TRPM3: variants seen among roughly 807,000 people sequenced by gnomAD.
The protein encoded by TRPM3 is long transient receptor potential channel 3.
Under a neutral mutation model 181.2 loss-of-function variants are expected in TRPM3, and 77 were observed. The observed-to-expected ratio is 0.42, with a 90% CI of 0.35 to 0.51. The LOEUF (loss-of-function observed/expected upper bound fraction) is 0.51, where lower values mean the gene tolerates loss of function less well. TRPM3 is among the 20% of genes least tolerant of loss of function. The pLI is 0.01. For synonymous variants in TRPM3, 745 were observed against 796.4 expected (o/e 0.94, Z 1.09); for missense variants, 1,759 against 2,196.7 (o/e 0.80, Z 3.98).
chr9:70,625,165 G>A lies in TRPM3; in HGVS notation c.1809+26C>T. On this transcript the variant is annotated intron_variant, in intron 14 of 25. Coordinates refer to ENST00000677713, the MANE Select transcript of TRPM3 (RefSeq NM_001366145.2). The surrounding 1 kb of genome is among the most constrained non-coding windows in gnomAD (Gnocchi z 4.8). Reference sequence around the variant, plus strand: ...CATACACCCTAGTCCTCCCAGGAAGGGCCCCGAATTTGCAGCCAGCCTCAC... The same window carrying A: ...CATACACCCTAGTCCTCCCAGGAAGAGCCCCGAATTTGCAGCCAGCCTCAC... 1.2e-6 allele frequency: 2 copies of A among 1,613,336 alleles called. No individual in the cohort carries two copies. Among genetic ancestry groups the A allele is most frequent in the Non-Finnish European group, 1.7e-6 (2 of 1,179,612 alleles).
intron 1 of TRPM3, among the ~76,000 whole-genome samples, chr9:71,262,987 T>C (rs2083166222): frequency 6.6e-6 from 1 of 152,344 alleles, no homozygotes; most frequent in South Asian, 2.1e-4. Context: ...AATTTCTTGA[T>C]GGTAATAACT....
At chr9:71,154,050 C>T (rs1004701754) in intron 1 of TRPM3, among the ~76,000 whole-genome samples, 2 of 151,976 alleles carry the variant, frequency 1.3e-5, no homozygotes, top group Non-Finnish European at 2.9e-5. Context: ...TAGCCCAAAC[C>T]TTAAATAAAC....
At chr9:70,899,428 T>C (rs1373952506) in intron 1 of TRPM3, among the ~76,000 whole-genome samples, 1 of 152,166 alleles carries the variant, frequency 6.6e-6, no homozygotes. Flanking sequence ...CTCTTTTCCT[T>C]ACTCATCTCT....
intron 6 of TRPM3, among the ~76,000 whole-genome samples, chr9:70,799,174 G>T (rs1328739862): frequency 6.6e-6 from 1 of 152,178 alleles, no homozygotes; most frequent in East Asian, 1.9e-4. Flanking sequence ...GAAATGAACA[G>T]GAACTATATG....
At chr9:71,061,078 G>A (rs1435566922) in intron 1 of TRPM3, among the ~76,000 whole-genome samples, 4 of 152,034 alleles carry the variant, frequency 2.6e-5, no homozygotes, top group Admixed American at 6.6e-5. Context: ...CAGGGTGAGA[G>A]CTGAAGAATG....
chr9:70,602,609 CTTG>C (rs893338723), intron 20 of TRPM3, among the ~76,000 whole-genome samples: 1 of 152,200 alleles, frequency 6.6e-6, no homozygotes, highest in Non-Finnish European at 1.5e-5. Context: ...GAAATAGGAG[CTTG>C]TGGTGAACAT....
chr9:70,768,830 A>T (rs1406521044), intron 7 of TRPM3, among the ~76,000 whole-genome samples: 1 of 152,142 alleles, frequency 6.6e-6, no homozygotes, highest in Admixed American at 6.5e-5. Context: ...GAGACAGGTT[A>T]TTTGATCTCT....
At chr9:70,660,815 C>T (rs1423933757) in intron 9 of TRPM3, among the ~76,000 whole-genome samples, 1 of 152,016 alleles carries the variant, frequency 6.6e-6, no homozygotes, top group East Asian at 1.9e-4. Flanking sequence ...ACAAAAATGT[C>T]CAGGACTAGA....
chr9:70,550,256 CAT>C (rs1412018229), intron 24 of TRPM3, among the ~76,000 whole-genome samples: 1 of 152,134 alleles, frequency 6.6e-6, no homozygotes, highest in South Asian at 2.1e-4. Flanking sequence ...AAAATATAGA[CAT>C]GTGGTTGCTT....
chr9:70,746,979 G>C (rs1271686577), intron 8 of TRPM3, among the ~76,000 whole-genome samples: 2 of 152,184 alleles, frequency 1.3e-5, no homozygotes, highest in Non-Finnish European at 2.9e-5. Flanking sequence ...CTAAGGAGCT[G>C]TGCCTCTGTG....
chr9:71,370,169 C>T lies in TRPM3; in HGVS notation c.183+76484G>A, dbSNP rs900805964. Among the ~76,000 whole-genome samples, 3 of 152,148 alleles carry T rather than the reference C, an allele frequency of 2.0e-5. No individual in the cohort carries two copies. The South Asian group carries it at 6.2e-4, about 31-fold the overall frequency. On this transcript the variant is annotated intron_variant, in intron 1 of 24. Transcript: ENST00000357533. Reference sequence around the variant, plus strand: ...TTCCCTCTCCGTGGGCCTGTCTATTCCCTGAGACAAAACAATATTGAAATT... The same window carrying T: ...TTCCCTCTCCGTGGGCCTGTCTATTTCCTGAGACAAAACAATATTGAAATT...
intron 6 of TRPM3, among the ~76,000 whole-genome samples, chr9:70,794,324 G>A (rs1373475440): frequency 1.3e-5 from 2 of 152,140 alleles, no homozygotes; most frequent in Non-Finnish European, 2.9e-5. Flanking sequence ...CTTAAATCAG[G>A]TCTTTCCAAA....
rs55711193 is a variant in TRPM3, at chr9:70,946,433, G to GTAATAATAA, written c.178-81931_178-81923dup. On this transcript the variant is annotated intron_variant, in intron 1 of 25. Transcript: ENST00000677713. ...AATCAGTTTCCTCCTCTGTTAAATGGTAATAATAATAATAATAATAATAAT... is the reference window on the plus strand; with the variant it reads ...AATCAGTTTCCTCCTCTGTTAAATGGTAATAATAATAATAATAATAATAATAATAATAAT... 1.9e-3 allele frequency among the ~76,000 whole-genome samples: 277 copies of GTAATAATAA among 144,688 alleles called. 1 individual carries two copies. The highest frequency in any genetic ancestry group is 5.1e-3 in the African/African-American group (191 of 37,132). 94.9% of individuals were successfully genotyped at this position (144,688 alleles called of 152,430 possible).
intron 1 of TRPM3, among the ~76,000 whole-genome samples, chr9:71,237,219 T>C (rs1384630579): frequency 6.6e-6 from 1 of 152,218 alleles, no homozygotes; most frequent in East Asian, 1.9e-4. Flanking sequence ...CTGTGTTGTT[T>C]TGATAATTCA....
chr9:70,647,727 C>G (rs1356443902), intron 9 of TRPM3, among the ~76,000 whole-genome samples: 1 of 151,984 alleles, frequency 6.6e-6, no homozygotes, highest in Non-Finnish European at 1.5e-5. Context: ...AAAAGGCATC[C>G]CAATAGGAAG....
intron 1 of TRPM3, among the ~76,000 whole-genome samples, chr9:71,071,552 A>G (rs1156959019): frequency 1.3e-5 from 2 of 152,192 alleles, no homozygotes; most frequent in African/African-American, 4.8e-5. Flanking sequence ...AAATCAAGAA[A>G]TTTACAACAG....
chr9:71,368,186 A>C (rs2092401951), intron 1 of TRPM3, among the ~76,000 whole-genome samples: 1 of 152,170 alleles, frequency 6.6e-6, no homozygotes, highest in Admixed American at 6.5e-5. Context: ...AAATGTGATG[A>C]GACTCCCAAT....
At chr9:71,429,300 C>T (rs556099429) in intron 1 of TRPM3, among the ~76,000 whole-genome samples, 1 of 152,076 alleles carries the variant, frequency 6.6e-6, no homozygotes, top group Admixed American at 6.5e-5. Context: ...TTTCTATTTC[C>T]TCCACTTTTC....
chr9:71,350,021 G>T (rs2091532634), intron 1 of TRPM3, among the ~76,000 whole-genome samples: 1 of 147,800 alleles, frequency 6.8e-6, no homozygotes, highest in African/African-American at 2.5e-5. Context: ...AAAATGACCT[G>T]TGTAGAAGTT....
Sources: gnomAD v4.1 joint callset for allele counts (sites outside exome capture counted in the v4.1 genomes callset) on GRCh38, gnomAD v4.1.1 for gene constraint, Gnocchi (gnomAD v3.1) non-coding constraint, MANE v1.5 for transcripts, NCBI Gene and HGNC (gene_info 2026-07-23, HGNC 2026-07-21) for gene names.